Variants in MGST1 observed in about 807,000 individuals in gnomAD.
MGST1 encodes the protein glutathione S-transferase 12.
In MGST1, 5 loss-of-function variants were observed where a neutral mutation model predicts 8.9. That is an observed-to-expected ratio of 0.56 (90% CI 0.29 to 1.19). The LOEUF is 1.19. Ranked by LOEUF, MGST1 falls within the 50% of genes most tolerant of loss-of-function variation. The pLI is 0.08. For synonymous variants in MGST1, 54 were observed against 67.8 expected, an observed-to-expected ratio of 0.80 and a Z score of 1.00; for missense variants, 182 against 187.4, an observed-to-expected ratio of 0.97 and a Z score of 0.17.
downstream of MGST1, among the ~76,000 whole-genome samples, chr12:16,364,601 T>C (rs1188498740): frequency 3.3e-5 from 5 of 152,258 alleles, no homozygotes; most frequent in Middle Eastern, 3.4e-3. This position sits in a 1 kb window ranked among gnomAD's most constrained non-coding sequence, Gnocchi z 5.7. Flanking sequence ...GTGGCAGATA[T>C]CATGACATGT....
At position 16,514,333 on chromosome 12, in the gene MGST1, C is replaced by A. The variant is rs528486457; in HGVS notation, n.483-75195C>A. The stretch of plus-strand genomic sequence containing the variant: ...CTTGATGTGTCCCATGTATTCCAAC[C>A]CTCCCCTCAATGGGACCCGTTTGCT... On this transcript the variant is annotated intron_variant and non_coding_transcript_variant, in intron 4 of 4. Coordinates refer to the MGST1 transcript ENST00000538857. The A allele has an allele frequency of 3.6e-4, 108 of 297,874 alleles. 3 individuals carry two copies. Among genetic ancestry groups the A allele is most frequent in the South Asian group, 3.4e-3 (106 of 31,110 alleles). The allele number at this position is 297,874 out of a possible 1,614,324, so 18.5% of individuals were successfully genotyped here. A position where few individuals can be genotyped will look rare whatever the true frequency, so the allele number is the denominator to read the frequency against.
chr12:16,569,675 C>T (rs969303843), intron 4 of MGST1, among the ~76,000 whole-genome samples: 2 of 152,038 alleles, frequency 1.3e-5, no homozygotes, highest in South Asian at 2.1e-4. Flanking sequence ...ACAAAATCTT[C>T]GATCTGAAAA....
chr12:16,578,938 A>T (rs1943077125), intron 4 of MGST1, among the ~76,000 whole-genome samples: 1 of 152,158 alleles, frequency 6.6e-6, no homozygotes, highest in South Asian at 2.1e-4. Flanking sequence ...ACTTGAAATA[A>T]AAAGAAAAGA....
At chr12:16,549,591 C>T (rs1053557186) in intron 4 of MGST1, 3 of 152,240 alleles carry the variant, frequency 2.0e-5, no homozygotes, top group African/African-American at 7.3e-5. Flanking sequence ...AATATATATG[C>T]AAATAACACT....
intron 4 of MGST1, among the ~76,000 whole-genome samples, chr12:16,545,376 G>A (rs901497255): frequency 6.6e-6 from 1 of 152,018 alleles, no homozygotes; most frequent in Non-Finnish European, 1.5e-5. Context: ...CACTTAAAGA[G>A]GACTGGTATG....
intron 4 of MGST1, among the ~76,000 whole-genome samples, chr12:16,520,845 C>A (rs1022403430): frequency 2.0e-5 from 3 of 152,168 alleles, no homozygotes; most frequent in African/African-American, 4.8e-5. Context: ...TTGTAAGGAG[C>A]CTGTTTCATT....
In MGST1 at chr12:16,447,765, A is replaced by ATGGGCC. The variant is rs200758279; in HGVS notation, n.482+64163_482+64168dup. ...TGGTGGAAGATTATGGTGCTCACCC[A>ATGGGCC]TGGGCCTCCCCTTTTTCATGGGCTG... On this transcript the variant is annotated intron_variant and non_coding_transcript_variant, in intron 4 of 4. Transcript: ENST00000538857. 1.7e-4 allele frequency among the ~76,000 whole-genome samples: 26 copies of ATGGGCC among 152,080 alleles called. No homozygotes were observed. In the East Asian group the frequency reaches 3.5e-3, roughly 20 times the overall value.
chr12:16,477,238 AT>A (rs564818017), intron 4 of MGST1, among the ~76,000 whole-genome samples: 438 of 152,188 alleles, frequency 2.9e-3, no homozygotes, highest in African/African-American at 9.8e-3. Context: ...TGTCTTCCTG[AT>A]TTTTTTCTGA....
intron 4 of MGST1, among the ~76,000 whole-genome samples, chr12:16,488,514 A>C (rs1335158597): frequency 6.6e-6 from 1 of 152,104 alleles, no homozygotes; most frequent in Non-Finnish European, 1.5e-5. Context: ...TAGTTTTCAA[A>C]TGTCAGATCA....
At position 16,544,627 on chromosome 12, in the gene MGST1, C is replaced by A. The variant is rs1303113928; in HGVS notation, n.483-44901C>A. On this transcript the variant is annotated intron_variant and non_coding_transcript_variant, in intron 4 of 4. Coordinates refer to the MGST1 transcript ENST00000538857. This position sits in a 1 kb window ranked among gnomAD's most constrained non-coding sequence, Gnocchi z 4.8. ...GTGAGAAAAAGAATTAGCCAAATAT[C>A]TAACAGGAAATTTGACTACATAGGT... 6.6e-6 allele frequency among the ~76,000 whole-genome samples: 1 copy of A among 152,008 alleles called. No individual in the cohort carries two copies. The highest frequency in any genetic ancestry group is 6.6e-5 in the Admixed American group (1 of 15,238).
downstream of MGST1, among the ~76,000 whole-genome samples, chr12:16,440,704 T>C (rs1387713711): frequency 6.6e-6 from 1 of 151,886 alleles, no homozygotes; most frequent in Admixed American, 6.6e-5. Context: ...TTACTACCAA[T>C]AGTTTTGTAC....
intron 4 of MGST1, among the ~76,000 whole-genome samples, chr12:16,480,114 G>T (rs1295400346): frequency 6.7e-6 from 1 of 149,448 alleles, no homozygotes; most frequent in Non-Finnish European, 1.5e-5. Flanking sequence ...TGATAAACTG[G>T]ATTTCATTAA....
chr12:16,399,202 C>G, intron 1 of MGST1: 1 of 1,351,156 alleles, frequency 7.4e-7, no homozygotes, highest in South Asian at 1.3e-5. Context: ...AGGAAAAATA[C>G]AGTTTCTATG....
At chr12:16,378,206 C>G (rs1446866036), downstream of MGST1, among the ~76,000 whole-genome samples, 2 of 152,158 alleles carry the variant, frequency 1.3e-5, no homozygotes, top group Non-Finnish European at 2.9e-5. Flanking sequence ...GTGTTTTAGA[C>G]ATGAAGTCCT....
downstream of MGST1, among the ~76,000 whole-genome samples, chr12:16,379,352 C>G (rs185085413): frequency 6.6e-6 from 1 of 152,260 alleles, no homozygotes; most frequent in African/African-American, 2.4e-5. Flanking sequence ...GAGTTTTTAG[C>G]ATGAAGAGTT....
At position 16,487,915 on chromosome 12, in the gene MGST1, G is replaced by A. The variant is rs576922058; in HGVS notation, n.483-101613G>A. 3.3e-5 allele frequency among the ~76,000 whole-genome samples: 5 copies of A among 152,224 alleles called. No individual in the cohort carries two copies. The South Asian group carries it at 1.0e-3, about 32-fold the overall frequency. ...TACAGTTACAAAAGGAATGATAAAA[G>A]CATTTAAACATTAATTTAAAAATTG... is the stretch of plus-strand genomic sequence containing the variant. On this transcript the variant is annotated intron_variant and non_coding_transcript_variant, in intron 4 of 4. Transcript: ENST00000538857.
intron 1 of MGST1, among the ~76,000 whole-genome samples, chr12:16,397,700 G>T (rs1300239617): frequency 6.7e-6 from 1 of 149,402 alleles, no homozygotes; most frequent in Non-Finnish European, 1.5e-5. Flanking sequence ...CATCACTAAT[G>T]ATCAGTAATG....
Position 16,548,138 on chromosome 12 carries a change from G to T in MGST1, n.483-41390G>T, listed in dbSNP as rs945019526. Among the ~76,000 whole-genome samples the T allele has an allele frequency of 2.6e-5, 4 of 152,086 alleles. No individual in the cohort carries two copies. The East Asian group carries it at 5.8e-4, about 22-fold the overall frequency. Reference sequence around the variant, plus strand: ...ATGTGCAAAATTACACCCAGCAATTGCTACCTTCATTTTTGAGAGTTTTAT... The same window carrying T: ...ATGTGCAAAATTACACCCAGCAATTTCTACCTTCATTTTTGAGAGTTTTAT... On this transcript the variant is annotated intron_variant and non_coding_transcript_variant, in intron 4 of 4. Transcript: ENST00000538857. This position sits in a 1 kb window ranked among gnomAD's most constrained non-coding sequence, Gnocchi z 4.2.
chr12:16,391,056 T>A (rs940083735), intron 1 of MGST1, among the ~76,000 whole-genome samples: 5 of 152,126 alleles, frequency 3.3e-5, no homozygotes, highest in African/African-American at 9.7e-5. Flanking sequence ...TCTCTAATGA[T>A]CAGTGATATT....
Sources: gnomAD v4.1 joint callset for allele counts (sites outside exome capture counted in the v4.1 genomes callset) on GRCh38, gnomAD v4.1.1 for gene constraint, Gnocchi (gnomAD v3.1) non-coding constraint, MANE v1.5 for transcripts, NCBI Gene and HGNC (gene_info 2026-07-23, HGNC 2026-07-21) for gene names.